Variants in CFHR5 observed in about 807,000 individuals in gnomAD.
The protein encoded by CFHR5 is complement factor H-related protein 5.
In CFHR5, 73 loss-of-function variants were observed where a neutral mutation model predicts 62.9. That is an observed-to-expected ratio of 1.16 (90% CI 0.96 to 1.41). CFHR5 has a LOEUF of 1.41. Ranked by LOEUF, CFHR5 falls within the 40% of genes most tolerant of loss-of-function variation. CFHR5 has a pLI of 0.00. For missense variants in CFHR5, 779 were observed against 679.9 expected (o/e 1.15, Z -1.62); for synonymous variants, 249 against 227.2 (o/e 1.10, Z -0.86).
At chr1:196,997,161 C>T (rs368947018) in intron 6 of CFHR5, among the ~76,000 whole-genome samples, 6 of 152,068 alleles carry the variant, frequency 3.9e-5, no homozygotes, top group African/African-American at 1.4e-4. Context: ...AATCAACTGG[C>T]CCACTCATTG....
At chr1:196,979,759 G>C (rs1051447455) in intron 1 of CFHR5, among the ~76,000 whole-genome samples, 1 of 151,882 alleles carries the variant, frequency 6.6e-6, no homozygotes, top group Non-Finnish European at 1.5e-5. Flanking sequence ...ATTTTGGGGG[G>C]AGCAGGTGGT....
chr1:196,977,293 A>AAT (rs1491150009), upstream of CFHR5, among the ~76,000 whole-genome samples: 5 of 59,140 alleles, frequency 8.5e-5, no homozygotes, highest in African/African-American at 5.6e-4. Context: ...CCTTGGCTAG[A>AAT]AAAAAAAAAA....
intron 3 of CFHR5, among the ~76,000 whole-genome samples, chr1:196,992,002 T>C (rs1653859286): frequency 6.6e-6 from 1 of 152,178 alleles, no homozygotes; most frequent in African/African-American, 2.4e-5. Context: ...GAGGTGGAGT[T>C]TACAGAAGCA....
rs986414453 is a variant in CFHR5 at position 196,983,038 on chromosome 1, C to T, written c.212C>T (p.Thr71Ile). The change falls in exon 2 of 10, where the codon ACA becomes ATA. Residue 71 changes from threonine (T) to isoleucine (I), a missense_variant. Transcript: ENST00000256785. The part of the protein sequence containing the change: ...SPSKSFWTRI[T>I]CTEEGWSPTP... ...TCAAAATCCTTTTGGACTCGCATAA[C>T]ATGCACAGAAGAAGGATGGTCACCA... 6.2e-7 allele frequency: 1 copy of T among 1,614,100 alleles called. No individual in the cohort carries two copies. Among genetic ancestry groups the T allele is most frequent in the Non-Finnish European group, 8.5e-7 (1 of 1,180,030 alleles).
intron 1 of CFHR5, among the ~76,000 whole-genome samples, chr1:196,979,125 A>G (rs1653470539): frequency 6.6e-6 from 1 of 152,194 alleles, no homozygotes; most frequent in Admixed American, 6.5e-5. Context: ...ATTGTGCTTC[A>G]TGCTGTAGCA....
In CFHR5 at chr1:197,002,904, T is replaced by G. The variant is rs529518940; in HGVS notation, c.1330+240T>G. On this transcript the variant is annotated intron_variant, in intron 8 of 9. Coordinates refer to ENST00000256785, the MANE Select transcript of CFHR5 (RefSeq NM_030787.4). ...CTTCTTAAAAATCTTTTCTATCATA[T>G]TTTTACTGTACCTTTTCTATGTTTA... Among the ~76,000 whole-genome samples the G allele has an allele frequency of 2.6e-5, 4 of 152,342 alleles. No individual in the cohort carries two copies. In the East Asian group the frequency reaches 7.7e-4, roughly 29 times the overall value.
At chr1:196,984,797 T>C (rs1653637408) in intron 3 of CFHR5, among the ~76,000 whole-genome samples, 1 of 152,196 alleles carries the variant, frequency 6.6e-6, no homozygotes, top group East Asian at 1.9e-4. Context: ...AGTCTTTCTC[T>C]TCATACCACT....
chr1:196,982,611 G>A lies in CFHR5; in HGVS notation c.59-274G>A, dbSNP rs1653570142. Among the ~76,000 whole-genome samples the A allele has an allele frequency of 5.3e-5, 8 of 151,990 alleles. No individual in the cohort carries two copies. The South Asian group carries it at 1.5e-3, about 28-fold the overall frequency. ...TCACTTGAACCCAGTGGAGGCTGCAGTGAGCCAAGATTTGCGTGATTGTAC... is the reference window on the plus strand; with the variant it reads ...TCACTTGAACCCAGTGGAGGCTGCAATGAGCCAAGATTTGCGTGATTGTAC... On this transcript the variant is annotated intron_variant, in intron 1 of 9. Coordinates refer to ENST00000256785, the MANE Select transcript of CFHR5 (RefSeq NM_030787.4).
Position 196,996,189 on chromosome 1 carries a change from C to T in CFHR5, c.958C>T (p.Pro320Ser). The change falls in exon 6 of 10, where the codon CCT (proline) becomes TCT (serine). Residue 320 changes from proline (P) to serine (S), a missense_variant. Physicochemically the swap from Pro to Ser is moderately conservative, Grantham distance 74. Coordinates refer to ENST00000256785, the MANE Select transcript of CFHR5 (RefSeq NM_030787.4). ...TATTAATGGAATATGGACAGAGCTT[C>T]CTATGTGTGTTGGTGAGAAAACATT... is the stretch of plus-strand genomic sequence containing the variant. ...TCINGIWTEL[P>S]MCVATHQLKR... The T allele has an allele frequency of 6.2e-7, 1 of 1,609,606 alleles. No homozygotes were observed. The highest frequency in any genetic ancestry group is 8.5e-7 in the Non-Finnish European group (1 of 1,176,130).
chr1:197,002,716 C>T lies in CFHR5; in HGVS notation c.1330+52C>T, dbSNP rs745378173. ...CACTTAAAAAGAGGTTATTAATCCCCTTTGCTTTATCTAAAGAAAGAAACA... is the reference window on the plus strand; with the variant it reads ...CACTTAAAAAGAGGTTATTAATCCCTTTTGCTTTATCTAAAGAAAGAAACA... On this transcript the variant is annotated intron_variant, in intron 8 of 9. Coordinates refer to ENST00000256785, the MANE Select transcript of CFHR5 (RefSeq NM_030787.4). 7 of 1,434,576 alleles carry T rather than the reference C, an allele frequency of 4.9e-6. No individual in the cohort carries two copies. The South Asian group carries it at 8.2e-5, about 17-fold the overall frequency. The allele number at this position is 1,434,576 out of a possible 1,614,324, so 88.9% of individuals were successfully genotyped here.
At chr1:196,980,591 CGTGTGTGTGTGTGT>C (rs57437038) in intron 1 of CFHR5, among the ~76,000 whole-genome samples, 11 of 145,548 alleles carry the variant, frequency 7.6e-5, no homozygotes, top group Admixed American at 1.4e-4. Flanking sequence ...TGTATATATA[CGTGTGTGTGTGTGT>C]GTGTGTGTGT....
At chr1:196,997,922 T>C (rs1354389652) in intron 6 of CFHR5, among the ~76,000 whole-genome samples, 3 of 152,174 alleles carry the variant, frequency 2.0e-5, no homozygotes, top group African/African-American at 7.2e-5. Flanking sequence ...GAAAACTTTC[T>C]GACCTACTTT....
intron 4 of CFHR5, among the ~76,000 whole-genome samples, chr1:196,995,078 T>C (rs768012155): frequency 6.6e-6 from 1 of 152,140 alleles, no homozygotes; most frequent in Non-Finnish European, 1.5e-5. Context: ...AAAGTATTTA[T>C]AGATATTAAT....
intron 9 of CFHR5, among the ~76,000 whole-genome samples, 184 bp downstream of exon 9, chr1:197,005,027 A>T (rs1363333608): frequency 2.6e-5 from 4 of 152,206 alleles, no homozygotes; most frequent in Admixed American, 6.5e-5. Flanking sequence ...AAATTTATTT[A>T]AAAACTATAA....
rs1015711181 is a variant in CFHR5, at chr1:197,002,484, A to G, written c.1150A>G (p.Lys384Glu). The change falls in exon 8 of 10, where the codon AAA becomes GAA. Residue 384 changes from lysine (K) to glutamate (E), a missense_variant and splice_region_variant. By Grantham distance (56) the Lys-to-Glu change is moderately conservative. Coordinates refer to ENST00000256785, the MANE Select transcript of CFHR5 (RefSeq NM_030787.4). ...AATTTAATTCCAATATTTTGTAGAAAAAAGGGAACAATTCTGCCCACCGCC... is the reference window on the plus strand; with the variant it reads ...AATTTAATTCCAATATTTTGTAGAAGAAAGGGAACAATTCTGCCCACCGCC... The part of the protein sequence containing the change: ...KWNPEVDCTE[K>E]REQFCPPPPQ... The G allele has an allele frequency of 2.7e-5, 43 of 1,611,672 alleles. No homozygotes were observed. The highest frequency in any genetic ancestry group is 3.4e-6 in the Non-Finnish European group (4 of 1,178,374).
At chr1:196,979,365 CAT>C (rs966856617) in intron 1 of CFHR5, among the ~76,000 whole-genome samples, 7 of 151,602 alleles carry the variant, frequency 4.6e-5, no homozygotes, top group African/African-American at 1.7e-4. Flanking sequence ...CTGCAAACAT[CAT>C]AGAGTGTACT....
At chr1:196,982,419 C>G (rs1237078170) in intron 1 of CFHR5, among the ~76,000 whole-genome samples, 1 of 152,162 alleles carries the variant, frequency 6.6e-6, no homozygotes, top group Non-Finnish European at 1.5e-5. Context: ...TGCCTGTAAT[C>G]CCGGCAGTTT....
chr1:196,984,028 T>C lies in CFHR5; in HGVS notation c.321T>C (p.Gly107=). ...SESSGLIHLE[G]DTVQIICNTG... Reference sequence around the variant, plus strand: ...CTTCAGGACTAATACATCTGGAAGGTGATACTGTACAAATTATTTGCAACA... The same window carrying C: ...CTTCAGGACTAATACATCTGGAAGGCGATACTGTACAAATTATTTGCAACA... Residue 107 remains glycine (G), a synonymous_variant, in exon 3 of 10, where the codon GGT becomes GGC. Transcript: ENST00000256785. 6.2e-7 allele frequency: 1 copy of C among 1,612,756 alleles called. No homozygotes were observed. Among genetic ancestry groups the C allele is most frequent in the Non-Finnish European group, 8.5e-7 (1 of 1,178,904 alleles).
At chr1:197,003,131 A>G (rs929325593) in intron 8 of CFHR5, among the ~76,000 whole-genome samples, 3 of 152,150 alleles carry the variant, frequency 2.0e-5, no homozygotes, top group African/African-American at 7.2e-5. Flanking sequence ...TGTGCCTCAG[A>G]TCATCAGGCA....
Sources: allele counts gnomAD v4.1 joint callset (sites outside exome capture counted in the v4.1 genomes callset), GRCh38; gene constraint gnomAD v4.1.1; transcripts MANE v1.5; gene names NCBI Gene and HGNC (gene_info 2026-07-23, HGNC 2026-07-21).